Variants in ENTHD1 observed in about 807,000 individuals in gnomAD.
ENTHD1 encodes the protein ENTH domain containing 1.
A neutral mutation model predicts 39.1 loss-of-function variants in ENTHD1; 23 were observed. That is an observed-to-expected ratio of 0.59 (90% CI 0.42 to 0.83). ENTHD1 has a LOEUF of 0.83. ENTHD1 is among the 40% of genes least tolerant of loss of function. The pLI, the probability that ENTHD1 is intolerant of heterozygous loss-of-function variation, is 0.00. For missense variants in ENTHD1, 624 were observed against 705.4 expected (o/e 0.88, Z 1.31); for synonymous variants, 230 against 258.2 (o/e 0.89, Z 1.05).
intron 1 of ENTHD1, among the ~76,000 whole-genome samples, chr22:39,889,884 C>T (rs925508732): frequency 6.6e-6 from 1 of 152,056 alleles, no homozygotes; most frequent in East Asian, 1.9e-4. Context: ...ATCACCTGAG[C>T]TCAGGAGTTC....
In ENTHD1 at chr22:39,776,353, C is replaced by T. The variant is rs1029612961; in HGVS notation, c.833-10744G>A. Among the ~76,000 whole-genome samples, 3 of 152,184 alleles carry T rather than the reference C, an allele frequency of 2.0e-5. No homozygotes were observed. The Middle Eastern group carries it at 9.5e-3, about 482-fold the overall frequency. ...AGTACAGGTGAATTAATGTAGTTGG[C>T]TTGCTTTATCTGCCTTCTCATTTTC... On this transcript the variant is annotated intron_variant, in intron 5 of 6. Transcript: ENST00000325157.
intron 3 of ENTHD1, among the ~76,000 whole-genome samples, chr22:39,857,390 C>T (rs2066100580): frequency 7.0e-6 from 1 of 143,600 alleles, no homozygotes; most frequent in East Asian, 2.1e-4. Context: ...TTGCAGTGAG[C>T]CGAGATGGTG....
intron 6 of ENTHD1, 31 bp downstream of exon 6, chr22:39,765,192 G>A (rs774067400): frequency 6.5e-6 from 10 of 1,544,670 alleles, no homozygotes; most frequent in Non-Finnish European, 8.7e-6. Context: ...GTGTGTGTGT[G>A]TGTGTGTGTG....
At chr22:39,890,845 G>C (rs2066421319) in intron 1 of ENTHD1, among the ~76,000 whole-genome samples, 1 of 152,182 alleles carries the variant, frequency 6.6e-6, no homozygotes, top group African/African-American at 2.4e-5. Context: ...CTTGTGATAT[G>C]AACGTAGAAT....
At chr22:39,794,621 T>A (rs1368679206) in intron 5 of ENTHD1, among the ~76,000 whole-genome samples, 1 of 151,836 alleles carries the variant, frequency 6.6e-6, no homozygotes. Flanking sequence ...GCTAACATGG[T>A]GAAACCCCGT....
At chr22:39,852,537 G>A (rs2066050934) in intron 3 of ENTHD1, among the ~76,000 whole-genome samples, 1 of 152,214 alleles carries the variant, frequency 6.6e-6, no homozygotes. Flanking sequence ...CAATTTCATT[G>A]TTGTACAAAC....
chr22:39,810,990 A>T (rs547835669), intron 5 of ENTHD1, among the ~76,000 whole-genome samples: 1 of 152,340 alleles, frequency 6.6e-6, no homozygotes, highest in Non-Finnish European at 1.5e-5. Context: ...CACACTGGCT[A>T]TCACATTGAT....
At chr22:39,767,797 T>G (rs2065288589) in intron 5 of ENTHD1, among the ~76,000 whole-genome samples, 1 of 152,206 alleles carries the variant, frequency 6.6e-6, no homozygotes, top group Non-Finnish European at 1.5e-5. Context: ...AAGTTGTCTG[T>G]ATGGCTGCCA....
intron 5 of ENTHD1, among the ~76,000 whole-genome samples, chr22:39,789,235 T>C (rs1448128916): frequency 6.6e-6 from 1 of 152,230 alleles, no homozygotes; most frequent in African/African-American, 2.4e-5. Flanking sequence ...TTTGGATATA[T>C]ACACGGTAGT....
intron 5 of ENTHD1, among the ~76,000 whole-genome samples, chr22:39,795,270 C>A (rs945506135): frequency 3.3e-5 from 5 of 152,140 alleles, no homozygotes; most frequent in Non-Finnish European, 5.9e-5. Context: ...TAATGCTTGT[C>A]TCCTAGAATG....
chr22:39,863,236 CA>C (rs2066158193), intron 2 of ENTHD1, among the ~76,000 whole-genome samples: 1 of 152,166 alleles, frequency 6.6e-6, no homozygotes. Flanking sequence ...GGCAGGCAAA[CA>C]GATGGCATAC....
intron 6 of ENTHD1, among the ~76,000 whole-genome samples, chr22:39,746,887 A>C (rs1036467599): frequency 2.0e-5 from 3 of 152,202 alleles, no homozygotes; most frequent in African/African-American, 7.2e-5. Context: ...TCCAGAAAAC[A>C]AATCTTCAGA....
intron 3 of ENTHD1, among the ~76,000 whole-genome samples, chr22:39,849,628 A>T (rs2066019456): frequency 6.6e-6 from 1 of 152,208 alleles, no homozygotes; most frequent in Admixed American, 6.5e-5. Context: ...CTTCTTTTGT[A>T]AGACTTATTC....
At chr22:39,866,629 C>T (rs540408681) in intron 2 of ENTHD1, among the ~76,000 whole-genome samples, 9 of 152,306 alleles carry the variant, frequency 5.9e-5, no homozygotes, top group African/African-American at 1.9e-4. Flanking sequence ...AAGCCTTCCA[C>T]GGACAGTGAA....
At chr22:39,787,950 C>A (rs1808826155) in intron 5 of ENTHD1, among the ~76,000 whole-genome samples, 1 of 152,158 alleles carries the variant, frequency 6.6e-6, no homozygotes, top group Non-Finnish European at 1.5e-5. Context: ...TTGCTCCTTT[C>A]CCATTCCAAA....
In ENTHD1 at chr22:39,829,701, C is replaced by T. The variant is rs544706799; in HGVS notation, c.711+6139G>A. Among the ~76,000 whole-genome samples, 17 of 151,796 alleles carry T rather than the reference C, an allele frequency of 1.1e-4. No individual in the cohort carries two copies. The South Asian group carries it at 2.9e-3, about 26-fold the overall frequency. On this transcript the variant is annotated intron_variant, in intron 4 of 6. Transcript: ENST00000325157. Reference sequence around the variant, plus strand: ...AGCTACTTGGAGGGCTGAGGCAGGACAATCACTTGAACATGGGAGGCAGAG... The same window carrying T: ...AGCTACTTGGAGGGCTGAGGCAGGATAATCACTTGAACATGGGAGGCAGAG...
intron 5 of ENTHD1, among the ~76,000 whole-genome samples, chr22:39,794,454 T>C (rs978911471): frequency 6.6e-6 from 1 of 152,180 alleles, no homozygotes; most frequent in Non-Finnish European, 1.5e-5. Flanking sequence ...TTTCTTTCTT[T>C]TGGTTGACTG....
chr22:39,856,693 AT>A (rs1462385431), intron 3 of ENTHD1, among the ~76,000 whole-genome samples: 1 of 151,940 alleles, frequency 6.6e-6, no homozygotes, highest in Non-Finnish European at 1.5e-5. Context: ...TCGAAAAAAT[AT>A]TTTTTCAAGT....
rs373121459 is a variant in ENTHD1, at chr22:39,780,928, G to A, written c.833-15319C>T. 1.2e-3 allele frequency among the ~76,000 whole-genome samples: 184 copies of A among 152,126 alleles called. 1 individual carries two copies. Among genetic ancestry groups the A allele is most frequent in the African/African-American group, 3.9e-3 (160 of 41,498 alleles). ...GCAGGAGAATGGTGTGAACCCAGGAGGGGGAGCTTGCAGTGAGCCGAGATT... is the reference window on the plus strand; with the variant it reads ...GCAGGAGAATGGTGTGAACCCAGGAAGGGGAGCTTGCAGTGAGCCGAGATT... On this transcript the variant is annotated intron_variant, in intron 5 of 6. Coordinates refer to ENST00000325157, the MANE Select transcript of ENTHD1 (RefSeq NM_152512.4).
Sources: gnomAD v4.1 joint callset for allele counts (sites outside exome capture counted in the v4.1 genomes callset) on GRCh38, gnomAD v4.1.1 for gene constraint, MANE v1.5 for transcripts, NCBI Gene and HGNC (gene_info 2026-07-23, HGNC 2026-07-21) for gene names.